CBX2: variants seen among roughly 807,000 people sequenced by gnomAD.
The protein encoded by CBX2 is chromobox 2.
A neutral mutation model predicts 21.0 loss-of-function variants in CBX2; 11 were observed. That is an observed-to-expected ratio of 0.52 (90% CI 0.33 to 0.87). The LOEUF is 0.87. Among genes scored for constraint, CBX2 ranks in the 40% least tolerant of loss-of-function variants. The probability of loss-of-function intolerance (pLI) is 0.02; values close to 1 mark genes in which losing one functional copy is unlikely to be tolerated. For synonymous variants in CBX2, 364 were observed against 304.6 expected (o/e 1.19, Z -2.03); for missense variants, 746 against 724.3 (o/e 1.03, Z -0.34).
Position 79,784,910 on chromosome 17 carries a change from C to A in CBX2, c.1467C>A (p.Thr489=). 1 of 1,613,516 alleles carries A rather than the reference C, an allele frequency of 6.2e-7. No homozygotes were observed. The highest frequency in any genetic ancestry group is 8.5e-7 in the Non-Finnish European group (1 of 1,180,040). ...TGQNPSVSVQ[T]SQDWKPTRSL... is the part of the protein sequence containing the mutation. ...AGAACCCGTCAGTGTCCGTTCAGACCAGCCAGGACTGGAAGCCCACCCGCA... is the reference window on the plus strand; with the variant it reads ...AGAACCCGTCAGTGTCCGTTCAGACAAGCCAGGACTGGAAGCCCACCCGCA... The change falls in exon 5 of 5, where the codon ACC becomes ACA. Residue 489 remains threonine, a synonymous_variant. Coordinates refer to ENST00000310942, the MANE Select transcript of CBX2 (RefSeq NM_005189.3). This position sits in a 1 kb window ranked among gnomAD's most constrained non-coding sequence, Gnocchi z 5.9.
At chr17:79,782,256 G>A (rs1450374884) in intron 4 of CBX2, 3 of 1,565,674 alleles carry the variant, frequency 1.9e-6, no homozygotes, top group Non-Finnish European at 2.6e-6. Context: ...ACGAAAGGCA[G>A]GGCTGACTGA....
chr17:79,779,455 G>C, intron 3 of CBX2, 28 bp downstream of exon 3: 1 of 1,603,346 alleles, frequency 6.2e-7, no homozygotes, highest in Non-Finnish European at 8.5e-7. Flanking sequence ...ACTGGGGAGG[G>C]TGTGGGGGAG....
rs1907547626 is a variant in CBX2, at chr17:79,785,126, C to T, written c.*84C>T. 6 of 1,229,344 alleles carry T rather than the reference C, an allele frequency of 4.9e-6. No homozygotes were observed. The highest frequency in any genetic ancestry group is 1.5e-5 in the African/African-American group (1 of 67,442). The allele number at this position is 1,229,344 out of a possible 1,614,324, so 76.2% of individuals were successfully genotyped here. A position where few individuals can be genotyped will look rare whatever the true frequency, so the allele number is the denominator to read the frequency against. ...GGCTAAGTGACTCCCAGCCCAAGCC[C>T]CCTCAAGAGTCTGGGTCGGGGGAGG... is the stretch of plus-strand genomic sequence containing the variant. On this transcript the variant is annotated 3_prime_UTR_variant, in exon 5 of 5. Transcript: ENST00000310942.
In CBX2 at chr17:79,778,970, G is replaced by T. The variant is rs772246167; in HGVS notation, c.117-392G>T. 4.6e-5 allele frequency among the ~76,000 whole-genome samples: 7 copies of T among 152,238 alleles called. No homozygotes were observed. The highest frequency in any genetic ancestry group is 8.8e-5 in the Non-Finnish European group (6 of 68,008). ...CCACATTGTTCTGGATCTCGGGCTG[G>T]GCGCCTGTGCCCCTCCCTGCATGCT... is the stretch of plus-strand genomic sequence containing the variant. On this transcript the variant is annotated intron_variant, in intron 2 of 4. Transcript: ENST00000310942. The surrounding 1 kb of genome is among the most constrained non-coding windows in gnomAD (Gnocchi z 4.8).
chr17:79,785,002 C>T lies in CBX2; in HGVS notation c.1559C>T (p.Ser520Phe), dbSNP rs1907538225. 1.2e-6 allele frequency: 2 copies of T among 1,603,846 alleles called. No homozygotes were observed. Among genetic ancestry groups the T allele is most frequent in the East Asian group, 2.2e-5 (1 of 44,882 alleles). ...ANLITVTVKE[S>F]PTSVGFFNLR... ...CTCATCACCGTCACAGTGAAGGAGTCTCCCACCAGCGTGGGCTTCTTCAAC... is the reference window on the plus strand; with the variant it reads ...CTCATCACCGTCACAGTGAAGGAGTTTCCCACCAGCGTGGGCTTCTTCAAC... The change falls in exon 5 of 5, where the codon TCT becomes TTT. Residue 520 changes from serine (S) to phenylalanine (F), a missense_variant. Physicochemically the swap from Ser to Phe is radical, Grantham distance 155. Coordinates refer to ENST00000310942, the MANE Select transcript of CBX2 (RefSeq NM_005189.3).
rs1555829437 is a variant in CBX2 at position 79,778,382 on chromosome 17, A to C, written c.73-2A>C. 2.5e-6 allele frequency: 4 copies of C among 1,582,338 alleles called. No individual in the cohort carries two copies. The highest frequency in any genetic ancestry group is 3.4e-6 in the Non-Finnish European group (4 of 1,169,416). On this transcript the variant is annotated splice_acceptor_variant, in intron 1 of 4. Transcript: ENST00000310942. LOFTEE classifies it high-confidence loss of function. The surrounding 1 kb of genome is among the most constrained non-coding windows in gnomAD (Gnocchi z 4.8). Reference sequence around the variant, plus strand: ...CTCACGGCCCCTCTTCTCTCCCCGCAGGGCAAGCTGGAGTACCTGGTCAAG... The same window carrying C: ...CTCACGGCCCCTCTTCTCTCCCCGCCGGGCAAGCTGGAGTACCTGGTCAAG...
At chr17:79,783,615 G>T in intron 4 of CBX2, 117 bp from the exon 5 acceptor site, 1 of 866,478 alleles carries the variant, frequency 1.2e-6, no homozygotes, top group South Asian at 1.4e-5. Flanking sequence ...CCACTATGTT[G>T]GCCAGGCTGG....
In CBX2 at chr17:79,784,847, C is replaced by T. The variant is rs782386658; in HGVS notation, c.1404C>T (p.Asp468=). Residue 468 remains aspartate, a synonymous_variant, in exon 5 of 5, where the codon GAC becomes GAT. Coordinates refer to ENST00000310942, the MANE Select transcript of CBX2 (RefSeq NM_005189.3). This position sits in a 1 kb window ranked among gnomAD's most constrained non-coding sequence, Gnocchi z 5.9. ...CAGGTGAGGAGAGTAGCAGCTCGGACTCCGACCCCGACTCCGCCTCGCCGC... is the reference window on the plus strand; with the variant it reads ...CAGGTGAGGAGAGTAGCAGCTCGGATTCCGACCCCGACTCCGCCTCGCCGC... ...MSAGEESSSS[D]SDPDSASPPS... 5 of 1,612,880 alleles carry T rather than the reference C, an allele frequency of 3.1e-6. No homozygotes were observed. The highest frequency in any genetic ancestry group is 4.2e-6 in the Non-Finnish European group (5 of 1,179,876).
At position 79,785,032 on chromosome 17, in the gene CBX2, G is replaced by C. The variant is rs781818610; in HGVS notation, c.1589G>C (p.Arg530Thr). The change falls in exon 5 of 5, where the codon AGG becomes ACG. Residue 530 changes from arginine to threonine, a missense_variant. Transcript: ENST00000310942. ...ACCAGCGTGGGCTTCTTCAACCTGA[G>C]GCATTACTGAAGCCCCGGCGCCACC... ...SPTSVGFFNLRHY is the reference protein window; with the variant it reads ...SPTSVGFFNLTHY 1 of 1,600,346 alleles carries C rather than the reference G, an allele frequency of 6.2e-7. No homozygotes were observed. The highest frequency in any genetic ancestry group is 8.5e-7 in the Non-Finnish European group (1 of 1,179,812).
In CBX2 at chr17:79,784,671, A is replaced by G. The variant is rs1555831305; in HGVS notation, c.1228A>G (p.Lys410Glu). 1 of 1,612,268 alleles carries G rather than the reference A, an allele frequency of 6.2e-7. No homozygotes were observed. Among genetic ancestry groups the G allele is most frequent in the South Asian group, 1.1e-5 (1 of 91,042 alleles). Residue 410 changes from lysine to glutamate, a missense_variant, in exon 5 of 5, where the codon AAA becomes GAA. Around this residue, in one of 2 missense-constraint regions of CBX2, gnomAD observed 701 missense variants for 650.7 expected, o/e 1.08. Coordinates refer to ENST00000310942, the MANE Select transcript of CBX2 (RefSeq NM_005189.3). The surrounding 1 kb of genome is among the most constrained non-coding windows in gnomAD (Gnocchi z 5.9). Reference protein sequence around the residue: ...SGATMPTDTSKSEKLASRAVA... With the variant: ...SGATMPTDTSESEKLASRAVA... ...GGCCACCATGCCCACCGACACAAGC[A>G]AAAGTGAGAAGCTGGCTTCCAGAGC...
chr17:79,777,857 G>T (rs1323102448), upstream of CBX2, among the ~76,000 whole-genome samples: 8 of 151,226 alleles, frequency 5.3e-5, no homozygotes, highest in African/African-American at 1.7e-4. Context: ...GCGGGACTCG[G>T]TGGGCGCCCC....
Position 79,785,304 on chromosome 17 carries a change from A to T in CBX2, c.*262A>T, listed in dbSNP as rs917202910. ...CCTCTTTGCTCTCCCCTCTTGCCTC[A>T]GGAAACCCGGTGGCACCTGTGGCTC... is the stretch of plus-strand genomic sequence containing the variant. On this transcript the variant is annotated 3_prime_UTR_variant, in exon 5 of 5. Coordinates refer to ENST00000310942, the MANE Select transcript of CBX2 (RefSeq NM_005189.3). 1.8e-6 allele frequency: 1 copy of T among 557,364 alleles called. No individual in the cohort carries two copies. Among genetic ancestry groups the T allele is most frequent in the East Asian group, 3.1e-5 (1 of 32,732 alleles). 34.5% of individuals were successfully genotyped at this position (557,364 alleles called of 1,614,324 possible).
chr17:79,779,501 T>TCGCCTG, intron 3 of CBX2, 74 bp downstream of exon 3: 1 of 1,390,954 alleles, frequency 7.2e-7, no homozygotes, highest in South Asian at 1.2e-5. Flanking sequence ...TGGGCGCTGC[T>TCGCCTG]CGCCTGCCGG....
chr17:79,785,225 G>T lies in CBX2; in HGVS notation c.*183G>T. ...GCACCCCACTCTGTCCCAGGACATA[G>T]GGCAGGGGGCCTCACTGCCTTGTTG... On this transcript the variant is annotated 3_prime_UTR_variant, in exon 5 of 5. Coordinates refer to ENST00000310942, the MANE Select transcript of CBX2 (RefSeq NM_005189.3). 1.6e-6 allele frequency: 1 copy of T among 622,470 alleles called. No homozygotes were observed. Among genetic ancestry groups the T allele is most frequent in the Non-Finnish European group, 2.9e-6 (1 of 348,958 alleles). 38.6% of individuals were successfully genotyped at this position (622,470 alleles called of 1,614,324 possible).
intron 4 of CBX2, chr17:79,782,642 A>G: frequency 2.9e-6 from 1 of 348,384 alleles, no homozygotes; most frequent in African/African-American, 2.2e-5. Flanking sequence ...TGGCTGGTCT[A>G]CACTGGCCTT....
Position 79,779,436 on chromosome 17 carries a change from G to T in CBX2, c.182+9G>T, listed in dbSNP as rs782814466. On this transcript the variant is annotated intron_variant, in intron 3 of 4. Coordinates refer to ENST00000310942, the MANE Select transcript of CBX2 (RefSeq NM_005189.3). ...CTGGCCTTCCAGAAGAAGTGAGGAC[G>T]CTGACAGCACTGGGGAGGGTGTGGG... 1.4e-5 allele frequency: 22 copies of T among 1,604,842 alleles called. No individual in the cohort carries two copies. The South Asian group carries it at 2.4e-4, about 18-fold the overall frequency.
chr17:79,785,399 C>T lies in CBX2; in HGVS notation c.*357C>T. The T allele has an allele frequency of 8.6e-6, 3 of 349,804 alleles. No homozygotes were observed. In the South Asian group the frequency reaches 9.3e-5, roughly 11 times the overall value. The allele number at this position is 349,804 out of a possible 1,614,324, so 21.7% of individuals were successfully genotyped here. A position where few individuals can be genotyped will look rare whatever the true frequency, so the allele number is the denominator to read the frequency against. ...GTTGCTGAGTTTGAACTGCTCCTCC[C>T]TGGCCTGCGTGACTGAATCACAGCT... On this transcript the variant is annotated 3_prime_UTR_variant, in exon 5 of 5. Transcript: ENST00000310942.
At chr17:79,778,117 T>TGCGCGGGGCGGGCCG (rs1381242039), upstream of CBX2, 5 of 293,948 alleles carry the variant, frequency 1.7e-5, no homozygotes, top group East Asian at 1.8e-4. The surrounding 1 kb of genome is among the most constrained non-coding windows in gnomAD (Gnocchi z 4.8). Context: ...GCGGTGCGCG[T>TGCGCGGGGCGGGCCG]GCGCGGGGCG....
rs1352026575 is a variant in CBX2 at position 79,787,278 on chromosome 17, G to GA, written c.*2239dup. ...GACTCGGCTTCCAGGAGCTGTTGGAGAAATGAGGATGTCTGTCCCTGTCTG... is the reference window on the plus strand; with the variant it reads ...GACTCGGCTTCCAGGAGCTGTTGGAGAAAATGAGGATGTCTGTCCCTGTCTG... On this transcript the variant is annotated 3_prime_UTR_variant, in exon 5 of 5. Coordinates refer to ENST00000310942, the MANE Select transcript of CBX2 (RefSeq NM_005189.3). The GA allele has an allele frequency of 6.6e-6, 1 of 152,654 alleles. No individual in the cohort carries two copies. 9.5% of individuals were successfully genotyped at this position (152,654 alleles called of 1,614,324 possible).
Sources: allele counts gnomAD v4.1 joint callset (sites outside exome capture counted in the v4.1 genomes callset), GRCh38; gene constraint gnomAD v4.1.1; regional missense constraint gnomAD v4.1.1; non-coding constraint Gnocchi (gnomAD v3.1); transcripts MANE v1.5; gene names NCBI Gene and HGNC (gene_info 2026-07-23, HGNC 2026-07-21).